The following TTC23 variants were observed in gnomAD, a reference collection of about 807,000 sequenced individuals.
The protein encoded by TTC23 is tetratricopeptide repeat domain 23, also known as tetratricopeptide repeat protein 23.
In TTC23, 58 loss-of-function variants were observed where a neutral mutation model predicts 55.1. The ratio of observed to expected loss-of-function variants is 1.05; its 90% CI spans 0.85 to 1.31. The LOEUF (loss-of-function observed/expected upper bound fraction) is 1.31, where lower values mean the gene tolerates loss of function less well. Among genes scored for constraint, TTC23 ranks in the 50% most tolerant of loss-of-function variants. TTC23 has a pLI of 0.00. For synonymous variants in TTC23, 203 were observed against 199.9 expected (o/e 1.02, Z -0.13); for missense variants, 516 against 534.4 (o/e 0.97, Z 0.34).
chr15:99,196,267 AC>A (rs2075700675), intron 9 of TTC23, among the ~76,000 whole-genome samples: 1 of 152,304 alleles, frequency 6.6e-6, no homozygotes. Flanking sequence ...CATGGTTTGT[AC>A]AAAACTGCTT....
intron 9 of TTC23, among the ~76,000 whole-genome samples, chr15:99,190,110 G>A (rs979944925): frequency 1.1e-4 from 16 of 152,022 alleles, no homozygotes; most frequent in African/African-American, 3.9e-4. Flanking sequence ...GACCTGGGAG[G>A]GCGAGGCTGC....
chr15:99,138,185 C>G, intron 13 of TTC23, 58 bp from the exon 14 acceptor site: 2 of 1,594,322 alleles, frequency 1.3e-6, no homozygotes, highest in Non-Finnish European at 1.7e-6. Flanking sequence ...CACACCGTTC[C>G]CATCCAGCCT....
intron 5 of TTC23, among the ~76,000 whole-genome samples, chr15:99,225,027 G>A (rs2078275587): frequency 6.6e-6 from 1 of 152,168 alleles, no homozygotes; most frequent in Admixed American, 6.5e-5. Context: ...CGGAAATGAT[G>A]ACAACATCAT....
intron 9 of TTC23, among the ~76,000 whole-genome samples, chr15:99,196,151 CAAA>C (rs955106376): frequency 1.7e-5 from 1 of 58,920 alleles, no homozygotes; most frequent in African/African-American, 6.6e-5. Context: ...GACTCTGTCT[CAAA>C]AAAAAAAAAA....
intron 12 of TTC23, among the ~76,000 whole-genome samples, chr15:99,142,615 G>A (rs1277989174): frequency 1.8e-4 from 27 of 152,164 alleles, no homozygotes; most frequent in Admixed American, 1.7e-3. Flanking sequence ...AATACTCAGA[G>A]GAATTTCCAT....
rs374624545 is a variant in TTC23, at chr15:99,150,333, G to A, written c.1143+5815C>T. 2.0e-5 allele frequency among the ~76,000 whole-genome samples: 3 copies of A among 152,040 alleles called. No individual in the cohort carries two copies. The East Asian group carries it at 5.8e-4, about 29-fold the overall frequency. The stretch of plus-strand genomic sequence containing the variant: ...AGTGATTTAAAAAAAAATTCCAAAG[G>A]ACAACTCTAGACCCGTTGTGCCCTG... On this transcript the variant is annotated intron_variant, in intron 12 of 13. Coordinates refer to ENST00000394132, the MANE Select transcript of TTC23 (RefSeq NM_001288615.3).
chr15:99,145,150 C>A (rs996579331), intron 12 of TTC23: 1 of 152,176 alleles, frequency 6.6e-6, no homozygotes, highest in African/African-American at 2.4e-5. Context: ...TTCTGAGCCA[C>A]CCAGATACCA....
intron 10 of TTC23, among the ~76,000 whole-genome samples, chr15:99,169,638 G>C (rs2072640293): frequency 6.6e-6 from 1 of 152,176 alleles, no homozygotes; most frequent in South Asian, 2.1e-4. Context: ...AGGCCACAGG[G>C]GGAAGAGTTG....
intron 1 of TTC23, among the ~76,000 whole-genome samples, chr15:99,246,160 GA>G (rs142324512): frequency 6.6e-6 from 1 of 150,378 alleles, no homozygotes; most frequent in Non-Finnish European, 1.5e-5. Flanking sequence ...AGTGATAAAA[GA>G]AAAAAAAAGA....
chr15:99,166,917 C>T (rs2072189513), intron 10 of TTC23, among the ~76,000 whole-genome samples: 3 of 152,142 alleles, frequency 2.0e-5, no homozygotes, highest in African/African-American at 7.2e-5. Flanking sequence ...CACGTGTGCA[C>T]CTTCCCTGTC....
intron 5 of TTC23, among the ~76,000 whole-genome samples, chr15:99,227,339 C>T (rs902005105): frequency 4.6e-5 from 7 of 152,172 alleles, no homozygotes; most frequent in African/African-American, 1.7e-4. Context: ...GTCATCCAGT[C>T]CTGTCCCACT....
At chr15:99,197,352 T>C (rs1257500457) in intron 9 of TTC23, among the ~76,000 whole-genome samples, 8 of 152,136 alleles carry the variant, frequency 5.3e-5, no homozygotes, top group African/African-American at 1.9e-4. Context: ...TCCACCCTCC[T>C]TGGCCTCCCA....
intron 10 of TTC23, among the ~76,000 whole-genome samples, chr15:99,168,504 C>A (rs980742830): frequency 2.0e-5 from 3 of 152,158 alleles, no homozygotes; most frequent in Non-Finnish European, 4.4e-5. Context: ...CTTTTTGAAG[C>A]CAAGTCGGGG....
chr15:99,189,505 C>T (rs1459117791), intron 9 of TTC23, among the ~76,000 whole-genome samples: 1 of 152,076 alleles, frequency 6.6e-6, no homozygotes, highest in African/African-American at 2.4e-5. Flanking sequence ...AGAAACTGTA[C>T]ACCACCAAGA....
chr15:99,189,504 ACAC>A (rs1366366895), intron 9 of TTC23, among the ~76,000 whole-genome samples: 4 of 152,154 alleles, frequency 2.6e-5, no homozygotes, highest in African/African-American at 9.7e-5. Flanking sequence ...AAGAAACTGT[ACAC>A]CACCAAGAAT....
intron 12 of TTC23, among the ~76,000 whole-genome samples, chr15:99,154,889 C>T (rs2070329642): frequency 6.6e-6 from 1 of 152,176 alleles, no homozygotes. Context: ...ACACTAAGAT[C>T]AGGAACATGG....
intron 11 of TTC23, chr15:99,158,274 T>G (rs1377378245): frequency 6.6e-6 from 1 of 152,184 alleles, no homozygotes; most frequent in African/African-American, 2.4e-5. Context: ...CTGAGAGTGC[T>G]GGGTTTGGTG....
At chr15:99,190,910 T>C (rs2075198683) in intron 9 of TTC23, among the ~76,000 whole-genome samples, 1 of 152,080 alleles carries the variant, frequency 6.6e-6, no homozygotes, top group South Asian at 2.1e-4. Flanking sequence ...GCCACCCGAG[T>C]AGCTGAGACT....
chr15:99,226,696 G>A (rs1224617041), intron 5 of TTC23, among the ~76,000 whole-genome samples: 1 of 152,054 alleles, frequency 6.6e-6, no homozygotes, highest in Non-Finnish European at 1.5e-5. Flanking sequence ...ATTTATGTGT[G>A]CTGTTTCCTC....
Sources: gnomAD v4.1 joint callset for allele counts (sites outside exome capture counted in the v4.1 genomes callset) on GRCh38, gnomAD v4.1.1 for gene constraint, MANE v1.5 for transcripts, NCBI Gene and HGNC (gene_info 2026-07-23, HGNC 2026-07-21) for gene names.